Variants in MAGI2 observed in about 807,000 individuals in gnomAD.
MAGI2 encodes the protein membrane-associated guanylate kinase, WW and PDZ domain-containing protein 2.
A neutral mutation model predicts 133.3 loss-of-function variants in MAGI2; 35 were observed. The observed-to-expected ratio is 0.26, with a 90% CI of 0.20 to 0.35. MAGI2 has a LOEUF of 0.35. MAGI2 is among the 10% of genes least tolerant of loss of function. The pLI, the probability that MAGI2 is intolerant of heterozygous loss-of-function variation, is 1.00. For synonymous variants in MAGI2, 729 were observed against 710.6 expected (o/e 1.03, Z -0.41); for missense variants, 1,636 against 1,863.4 (o/e 0.88, Z 2.25).
chr7:78,416,022 A>C (rs1177870476), intron 6 of MAGI2, among the ~76,000 whole-genome samples: 1 of 152,080 alleles, frequency 6.6e-6, no homozygotes, highest in Non-Finnish European at 1.5e-5. Flanking sequence ...AATGGAGAAG[A>C]ATGGACTGTA....
chr7:78,540,534 A>G (rs1373868228), intron 3 of MAGI2, among the ~76,000 whole-genome samples: 1 of 152,194 alleles, frequency 6.6e-6, no homozygotes, highest in Non-Finnish European at 1.5e-5. Flanking sequence ...CAGGGGTTTC[A>G]GGCTCTGCCC....
At chr7:78,659,541 G>A (rs1385662806) in intron 2 of MAGI2, among the ~76,000 whole-genome samples, 2 of 149,456 alleles carry the variant, frequency 1.3e-5, no homozygotes, top group African/African-American at 5.0e-5. Context: ...AACCCCAAAA[G>A]CTTGCCTACT....
At chr7:79,214,522 C>A (rs1467693718) in intron 1 of MAGI2, among the ~76,000 whole-genome samples, 1 of 137,584 alleles carries the variant, frequency 7.3e-6, no homozygotes, top group African/African-American at 2.7e-5. Flanking sequence ...TCATACAGTA[C>A]ACCAAAATGA....
intron 6 of MAGI2, among the ~76,000 whole-genome samples, chr7:78,477,527 C>T (rs1791899626): frequency 6.6e-6 from 1 of 151,816 alleles, no homozygotes; most frequent in African/African-American, 2.4e-5. Context: ...GGAGGCCTCA[C>T]AATCATGGCA....
chr7:78,950,576 T>C (rs1163132380), intron 2 of MAGI2, among the ~76,000 whole-genome samples: 3 of 152,166 alleles, frequency 2.0e-5, no homozygotes, highest in African/African-American at 7.2e-5. Flanking sequence ...TTTCTTTCTC[T>C]TGTAAATGCC....
chr7:78,627,640 C>T (rs1321317839), intron 2 of MAGI2, among the ~76,000 whole-genome samples: 1 of 152,130 alleles, frequency 6.6e-6, no homozygotes, highest in Non-Finnish European at 1.5e-5. Flanking sequence ...ACATAAAACA[C>T]AATGGAAAGT....
intron 12 of MAGI2, among the ~76,000 whole-genome samples, chr7:78,191,859 C>A (rs1165029831): frequency 2.0e-5 from 3 of 152,104 alleles, no homozygotes; most frequent in African/African-American, 7.2e-5. Context: ...ATGTCCTGTG[C>A]ATGCACATTA....
intron 2 of MAGI2, among the ~76,000 whole-genome samples, chr7:78,973,546 G>C (rs1257664636): frequency 6.7e-6 from 1 of 150,074 alleles, no homozygotes; most frequent in Non-Finnish European, 1.5e-5. Flanking sequence ...TGCTGCAAGA[G>C]ACTTTTTTTT....
At chr7:79,135,995 GAAAGAAAGAGAAAGAAA>G (rs1562928694) in intron 1 of MAGI2, among the ~76,000 whole-genome samples, 1 of 37,354 alleles carries the variant, frequency 2.7e-5, no homozygotes, top group Non-Finnish European at 1.0e-4. Context: ...AAGAAAGAAA[GAAAGAAAGAGAAAGAAA>G]GAAAGAAAGA....
At chr7:78,159,913 G>C in intron 16 of MAGI2, 112 bp downstream of exon 16, 1 of 1,382,080 alleles carries the variant, frequency 7.2e-7, no homozygotes. Flanking sequence ...TGGCTTTCAG[G>C]CTATACAGTA....
At chr7:79,418,743 ATATT>A (rs142625469) in intron 1 of MAGI2, among the ~76,000 whole-genome samples, 3,026 of 151,872 alleles carry the variant, frequency 0.02, 49 homozygotes, top group Middle Eastern at 0.051. Context: ...CAACTGATAA[ATATT>A]TAAAGATAAA....
At chr7:78,841,257 T>A (rs182604929) in intron 2 of MAGI2, among the ~76,000 whole-genome samples, 2 of 152,166 alleles carry the variant, frequency 1.3e-5, no homozygotes, top group Non-Finnish European at 2.9e-5. Flanking sequence ...TCACATTGAC[T>A]TTGTAAGTGT....
At chr7:78,259,710 T>G (rs1793332361) in intron 9 of MAGI2, among the ~76,000 whole-genome samples, 1 of 152,122 alleles carries the variant, frequency 6.6e-6, no homozygotes, top group South Asian at 2.1e-4. Context: ...CTAACTTTAA[T>G]CACTGTTAAC....
intron 9 of MAGI2, among the ~76,000 whole-genome samples, chr7:78,336,180 C>T (rs1203332556): frequency 1.3e-5 from 2 of 152,086 alleles, no homozygotes; most frequent in Admixed American, 6.5e-5. Flanking sequence ...TTACCATGCA[C>T]ATGTACTGCT....
At chr7:78,544,296 C>G (rs1373611527) in intron 3 of MAGI2, among the ~76,000 whole-genome samples, 1 of 152,194 alleles carries the variant, frequency 6.6e-6, no homozygotes, top group African/African-American at 2.4e-5. Context: ...ACACATGAAT[C>G]CTTCATGCCC....
At chr7:78,129,396 G>A (rs755355514) in intron 18 of MAGI2, among the ~76,000 whole-genome samples, 9 of 152,150 alleles carry the variant, frequency 5.9e-5, no homozygotes, top group Non-Finnish European at 1.2e-4. Flanking sequence ...AAAAAATTAT[G>A]TTGCTTTGAA....
chr7:78,921,515 C>T (rs1475979496), intron 2 of MAGI2, among the ~76,000 whole-genome samples: 2 of 152,056 alleles, frequency 1.3e-5, no homozygotes, highest in Non-Finnish European at 2.9e-5. Flanking sequence ...GAAACGCTGC[C>T]TTACAATGCT....
At chr7:79,155,874 A>G (rs1823729083) in intron 1 of MAGI2, among the ~76,000 whole-genome samples, 1 of 152,182 alleles carries the variant, frequency 6.6e-6, no homozygotes, top group Admixed American at 6.5e-5. Context: ...CATTAAAAAA[A>G]TGTTATACTG....
intron 2 of MAGI2, among the ~76,000 whole-genome samples, chr7:78,693,451 A>G (rs954327309): frequency 1.3e-5 from 2 of 152,330 alleles, no homozygotes; most frequent in African/African-American, 4.8e-5. Context: ...CGGGTCAAGC[A>G]GAATCAAAAA....
Sources: gnomAD v4.1 joint callset for allele counts (sites outside exome capture counted in the v4.1 genomes callset) on GRCh38, gnomAD v4.1.1 for gene constraint, MANE v1.5 for transcripts, NCBI Gene and HGNC (gene_info 2026-07-23, HGNC 2026-07-21) for gene names.